Variants in SIK3 observed in about 807,000 individuals in gnomAD.
SIK3 encodes serine/threonine-protein kinase SIK3.
Under a neutral mutation model 144.2 loss-of-function variants are expected in SIK3, and 28 were observed. The observed-to-expected ratio is 0.19, with a 90% CI of 0.14 to 0.27. SIK3 has a LOEUF of 0.27. Ranked by LOEUF, SIK3 falls within the 10% of genes least tolerant of loss-of-function variation. The pLI is 1.00. For synonymous variants in SIK3, 686 were observed against 676.3 expected (o/e 1.01, Z -0.22); for missense variants, 1,319 against 1,776.0 (o/e 0.74, Z 4.62).
At chr11:117,093,260 T>C (rs1313888592) in intron 1 of SIK3, among the ~76,000 whole-genome samples, 1 of 152,258 alleles carries the variant, frequency 6.6e-6, no homozygotes, top group Admixed American at 6.5e-5. Flanking sequence ...GTTAAACTCT[T>C]CTTTAGAGGT....
At position 116,849,205 on chromosome 11, in the gene SIK3, T is replaced by C; in HGVS notation, c.3734A>G (p.Tyr1245Cys). 1.9e-6 allele frequency: 3 copies of C among 1,614,108 alleles called. No individual in the cohort carries two copies. Among genetic ancestry groups the C allele is most frequent in the Non-Finnish European group, 1.7e-6 (2 of 1,179,994 alleles). The part of the protein sequence containing the change: ...VELPDHNGLG[Y>C]PARPSVHEHH... ...CTCATGGACGGAGGGGCGTGCTGGG[T>C]ACCCGAGCCCATTGTGATCCGGCAG... Residue 1245 changes from tyrosine (Y) to cysteine (C), a missense_variant, in exon 22 of 25, where the codon TAC becomes TGC. Physicochemically the swap from Tyr to Cys is radical, Grantham distance 194. Transcript: ENST00000445177. This position sits in a 1 kb window ranked among gnomAD's most constrained non-coding sequence, Gnocchi z 4.2.
intron 1 of SIK3, among the ~76,000 whole-genome samples, chr11:116,990,273 T>C (rs1950456602): frequency 1.3e-5 from 2 of 152,158 alleles, no homozygotes; most frequent in African/African-American, 4.8e-5. Flanking sequence ...CTTTCCTGAA[T>C]AAAACCACTG....
At chr11:117,028,793 C>T (rs907496933) in intron 1 of SIK3, among the ~76,000 whole-genome samples, 5 of 152,080 alleles carry the variant, frequency 3.3e-5, no homozygotes, top group Non-Finnish European at 7.4e-5. Flanking sequence ...CTCATGGGTG[C>T]CATGCTACAG....
At chr11:116,948,055 C>T (rs1349223385) in intron 3 of SIK3, among the ~76,000 whole-genome samples, 1 of 151,722 alleles carries the variant, frequency 6.6e-6, no homozygotes, top group Non-Finnish European at 1.5e-5. Flanking sequence ...CCACTTCAGC[C>T]TCTCGAGTAG....
At chr11:116,908,757 G>A (rs1565438680) in intron 4 of SIK3, among the ~76,000 whole-genome samples, 1 of 152,170 alleles carries the variant, frequency 6.6e-6, no homozygotes, top group South Asian at 2.1e-4. Context: ...AAAAATTTAA[G>A]AGTAGATAAT....
intron 1 of SIK3, among the ~76,000 whole-genome samples, chr11:117,090,061 A>G (rs567431628): frequency 1.3e-5 from 2 of 152,372 alleles, no homozygotes; most frequent in African/African-American, 2.4e-5. Context: ...ATCCAAAAGA[A>G]GTCTTTCAAG....
intron 1 of SIK3, among the ~76,000 whole-genome samples, chr11:117,048,875 T>C (rs1034225305): frequency 3.3e-5 from 5 of 151,874 alleles, no homozygotes; most frequent in African/African-American, 1.2e-4. Context: ...AGCTGAGGCA[T>C]GTGGATCATG....
intron 1 of SIK3, among the ~76,000 whole-genome samples, chr11:116,960,130 A>C (rs755476090): frequency 1.3e-5 from 2 of 152,202 alleles, no homozygotes; most frequent in African/African-American, 2.4e-5. Context: ...CATTGAATAT[A>C]ATCTGTTCTT....
chr11:116,875,450 G>T lies in SIK3; in HGVS notation c.1241C>A (p.Ala414Glu). 2.5e-6 allele frequency: 4 copies of T among 1,613,978 alleles called. No individual in the cohort carries two copies. Among genetic ancestry groups the T allele is most frequent in the Non-Finnish European group, 2.5e-6 (3 of 1,179,938 alleles). The change falls in exon 10 of 25, where the codon GCG becomes GAG. Residue 414 changes from alanine to glutamate, a missense_variant and splice_region_variant. By Grantham distance (107) the Ala-to-Glu change is moderately radical (BLOSUM62 -1). Coordinates refer to ENST00000445177, the MANE Select transcript of SIK3 (RefSeq NM_001366686.3). ...LAFQAPVNIQAEQAGTAMNIS... is the reference protein window; with the variant it reads ...LAFQAPVNIQEEQAGTAMNIS... ...GTTCATAGCAGTACCTGCCTGCTCC[G>T]CCTGGAAAGCAGTACATACATATAC...
intron 1 of SIK3, among the ~76,000 whole-genome samples, chr11:116,996,317 TAGA>T (rs1055478429): frequency 3.2e-4 from 49 of 151,188 alleles, no homozygotes; most frequent in African/African-American, 1.1e-3. Context: ...CCAAAAAAAA[TAGA>T]AGAAGGAACA....
chr11:116,978,311 T>C (rs1484707637), intron 1 of SIK3, among the ~76,000 whole-genome samples: 2 of 152,204 alleles, frequency 1.3e-5, no homozygotes, highest in African/African-American at 4.8e-5. Flanking sequence ...AAAAATTTTA[T>C]TGTAAAATAT....
At chr11:116,953,359 A>G (rs1949021675) in intron 3 of SIK3, among the ~76,000 whole-genome samples, 1 of 152,186 alleles carries the variant, frequency 6.6e-6, no homozygotes, top group African/African-American at 2.4e-5. Context: ...AATAAAAGAC[A>G]CATCAATTTA....
chr11:117,075,200 G>A (rs1204534310), intron 1 of SIK3, among the ~76,000 whole-genome samples: 3 of 152,094 alleles, frequency 2.0e-5, no homozygotes, highest in African/African-American at 7.2e-5. Flanking sequence ...ATGATCATGG[G>A]GTATGTGTGA....
chr11:117,049,697 C>T (rs958655436), intron 1 of SIK3, among the ~76,000 whole-genome samples: 2 of 151,958 alleles, frequency 1.3e-5, no homozygotes, highest in Admixed American at 6.6e-5. Context: ...ATGGCTCACA[C>T]CTAGTCCCAA....
rs181330876 is a variant in SIK3 at position 117,087,090 on chromosome 11, T to A, written c.273+11053A>T. Among the ~76,000 whole-genome samples, 8 of 151,866 alleles carry A rather than the reference T, an allele frequency of 5.3e-5. No individual in the cohort carries two copies. In the East Asian group the frequency reaches 1.6e-3, roughly 29 times the overall value. ...CCTTCAGCAATTTCTCCAGTTTGGG[T>A]TTTTGTCCCTTTATCAAAGATCAGG... On this transcript the variant is annotated intron_variant, in intron 1 of 24. Coordinates refer to ENST00000445177, the MANE Select transcript of SIK3 (RefSeq NM_001366686.3).
intron 1 of SIK3, among the ~76,000 whole-genome samples, chr11:116,971,943 C>T (rs1949775818): frequency 6.6e-6 from 1 of 152,084 alleles, no homozygotes; most frequent in Non-Finnish European, 1.5e-5. Context: ...GAAAAATTAC[C>T]TGGGCGTGGT....
At chr11:116,853,309 A>G (rs914378507) in intron 21 of SIK3, among the ~76,000 whole-genome samples, 1 of 152,238 alleles carries the variant, frequency 6.6e-6, no homozygotes, top group Non-Finnish European at 1.5e-5. Flanking sequence ...CCACTGCCCA[A>G]GGAACATGAC....
At chr11:117,000,753 C>T (rs76901578) in intron 1 of SIK3, among the ~76,000 whole-genome samples, 4,427 of 152,308 alleles carry the variant, frequency 0.029, 194 homozygotes, top group African/African-American at 0.1. Flanking sequence ...TTAATGAATG[C>T]ATTTCTTACA....
intron 1 of SIK3, among the ~76,000 whole-genome samples, chr11:117,072,922 T>C (rs1187439576): frequency 6.6e-6 from 1 of 152,228 alleles, no homozygotes; most frequent in Non-Finnish European, 1.5e-5. Flanking sequence ...TAGTTGGACC[T>C]AGCATTTATA....
Sources: gnomAD v4.1 joint callset for allele counts (sites outside exome capture counted in the v4.1 genomes callset) on GRCh38, gnomAD v4.1.1 for gene constraint, Gnocchi (gnomAD v3.1) non-coding constraint, MANE v1.5 for transcripts, NCBI Gene and HGNC (gene_info 2026-07-23, HGNC 2026-07-21) for gene names.